Variants in RORA observed in about 807,000 individuals in gnomAD.
RORA encodes the protein RAR related orphan receptor A.
Under a neutral mutation model 69.5 loss-of-function variants are expected in RORA, and 7 were observed. The observed-to-expected ratio is 0.10, with a 90% confidence interval of 0.06 to 0.19. RORA has a LOEUF of 0.19. Among genes scored for constraint, RORA ranks in the 10% least tolerant of loss-of-function variants. The probability of loss-of-function intolerance (pLI) is 1.00; values close to 1 mark genes in which losing one functional copy is unlikely to be tolerated. For synonymous variants in RORA, 261 were observed against 240.8 expected (o/e 1.08, Z -0.78); for missense variants, 457 against 663.0 (o/e 0.69, Z 3.41).
chr15:61,122,296 A>C (rs890836272), intron 1 of RORA, among the ~76,000 whole-genome samples: 6 of 152,172 alleles, frequency 3.9e-5, no homozygotes, highest in Non-Finnish European at 7.4e-5. Flanking sequence ...TATTGTGGAG[A>C]AGACTGAGAA....
At chr15:60,591,825 T>C (rs1161570500) in intron 2 of RORA, among the ~76,000 whole-genome samples, 1 of 151,852 alleles carries the variant, frequency 6.6e-6, no homozygotes, top group Non-Finnish European at 1.5e-5. Context: ...AGCGCGGACC[T>C]GCGGCACTTG....
intron 2 of RORA, among the ~76,000 whole-genome samples, chr15:60,620,068 G>A (rs1216484339): frequency 6.6e-6 from 1 of 152,144 alleles, no homozygotes; most frequent in Non-Finnish European, 1.5e-5. Flanking sequence ...TCCTTTTGTA[G>A]CTAAAGTATA....
intron 2 of RORA, among the ~76,000 whole-genome samples, chr15:60,639,228 T>A (rs937360748): frequency 2.6e-5 from 4 of 151,300 alleles, no homozygotes; most frequent in African/African-American, 9.7e-5. Flanking sequence ...TATTTTTTTT[T>A]TTTTTTTTTT....
At chr15:60,540,575 C>CT (rs1567071436) in intron 2 of RORA, among the ~76,000 whole-genome samples, 2 of 19,450 alleles carry the variant, frequency 1.0e-4, no homozygotes, top group African/African-American at 2.0e-4. Flanking sequence ...CCCCCCCCCC[C>CT]CAAAACTGTG....
At chr15:60,517,151 T>TA (rs1187953841) in intron 3 of RORA, among the ~76,000 whole-genome samples, 1 of 150,438 alleles carries the variant, frequency 6.6e-6, no homozygotes, top group Non-Finnish European at 1.5e-5. Context: ...GATGGGAAGT[T>TA]ATGGTGGGCA....
chr15:61,169,784 A>T (rs916822320), intron 1 of RORA, among the ~76,000 whole-genome samples: 1 of 150,668 alleles, frequency 6.6e-6, no homozygotes, highest in Admixed American at 6.6e-5. Context: ...CAGAAAAAAA[A>T]GAAACAGCTC....
intron 1 of RORA, among the ~76,000 whole-genome samples, chr15:61,094,761 T>C (rs2078764200): frequency 6.6e-6 from 1 of 152,210 alleles, no homozygotes; most frequent in Admixed American, 6.5e-5. Flanking sequence ...AAGACCCAGT[T>C]ACTGCCCTTC....
chr15:61,212,532 T>A (rs1369434187), intron 1 of RORA, among the ~76,000 whole-genome samples: 1 of 152,166 alleles, frequency 6.6e-6, no homozygotes, highest in Non-Finnish European at 1.5e-5. Flanking sequence ...CCCAAGTAGC[T>A]GGGATTACAA....
At chr15:60,998,402 CTTT>C (rs35933156) in intron 1 of RORA, among the ~76,000 whole-genome samples, 1 of 146,608 alleles carries the variant, frequency 6.8e-6, no homozygotes. Context: ...ATATTTCTTT[CTTT>C]TTTTTTTTTT....
At chr15:60,731,710 T>C (rs1360335472) in intron 1 of RORA, among the ~76,000 whole-genome samples, 1 of 152,258 alleles carries the variant, frequency 6.6e-6, no homozygotes, top group Non-Finnish European at 1.5e-5. Context: ...TAATCTATTG[T>C]GGCATTCTTG....
intron 1 of RORA, among the ~76,000 whole-genome samples, chr15:61,080,931 T>A (rs2078529925): frequency 6.6e-6 from 1 of 152,246 alleles, no homozygotes; most frequent in Non-Finnish European, 1.5e-5. Flanking sequence ...TTGCAGCTTC[T>A]AGAATTACAA....
intron 1 of RORA, among the ~76,000 whole-genome samples, chr15:61,074,439 T>C (rs751239453): frequency 3.3e-5 from 5 of 152,170 alleles, no homozygotes; most frequent in Non-Finnish European, 5.9e-5. Context: ...GACACAGACA[T>C]AGATACTGGA....
chr15:60,929,267 C>G (rs1034377458), intron 1 of RORA, among the ~76,000 whole-genome samples: 4 of 152,180 alleles, frequency 2.6e-5, no homozygotes, highest in African/African-American at 9.7e-5. Context: ...GGCCAGGTCC[C>G]TCCTCCTCCA....
At chr15:60,804,287 CAAAAA>C (rs5813037) in intron 1 of RORA, among the ~76,000 whole-genome samples, 1 of 58,166 alleles carries the variant, frequency 1.7e-5, no homozygotes, top group Admixed American at 2.0e-4. Flanking sequence ...AACTCCATCT[CAAAAA>C]AAAAAAAAAA....
chr15:60,647,065 C>T (rs983913723), intron 2 of RORA, among the ~76,000 whole-genome samples: 1 of 152,110 alleles, frequency 6.6e-6, no homozygotes, highest in Non-Finnish European at 1.5e-5. Context: ...CAAAATGGTT[C>T]ACTTGGTATT....
chr15:61,219,788 G>A (rs2080077831), intron 1 of RORA, among the ~76,000 whole-genome samples: 2 of 152,114 alleles, frequency 1.3e-5, no homozygotes, highest in South Asian at 2.1e-4. Flanking sequence ...GCCCTTTCTG[G>A]CTTTAACACA....
intron 1 of RORA, among the ~76,000 whole-genome samples, chr15:60,685,989 GA>G (rs946339840): frequency 6.6e-6 from 1 of 152,066 alleles, no homozygotes; most frequent in Non-Finnish European, 1.5e-5. Context: ...TGGACGCCAT[GA>G]AAAATATTCC....
chr15:60,670,575 G>C (rs2070450929), intron 2 of RORA, among the ~76,000 whole-genome samples: 1 of 152,110 alleles, frequency 6.6e-6, no homozygotes, highest in African/African-American at 2.4e-5. Flanking sequence ...AGGAGCTGGA[G>C]TTGATGCCTA....
intron 2 of RORA, chr15:60,678,164 AG>A (rs1482424937): frequency 6.5e-6 from 1 of 152,946 alleles, no homozygotes; most frequent in Non-Finnish European, 1.5e-5. Context: ...GCCATTTATC[AG>A]GGCCCTCGCA....
Sources: allele counts gnomAD v4.1 joint callset (sites outside exome capture counted in the v4.1 genomes callset), GRCh38; gene constraint gnomAD v4.1.1; transcripts MANE v1.5; gene names NCBI Gene and HGNC (gene_info 2026-07-23, HGNC 2026-07-21).